ELFN1: variants seen among roughly 807,000 people sequenced by gnomAD.
ELFN1 encodes extracellular leucine rich repeat and fibronectin type III domain containing 1, also known as protein ELFN1.
ELFN1 carries 6 observed loss-of-function variants against 7.6 expected under a neutral mutation model. The observed-to-expected ratio is 0.79, with a 90% CI of 0.43 to 1.56. The LOEUF (loss-of-function observed/expected upper bound fraction) is 1.56. Among genes scored for constraint, ELFN1 ranks in the 40% most tolerant of loss-of-function variants. The pLI is 0.01. For missense variants in ELFN1, 1,169 were observed against 1,232.2 expected, an observed-to-expected ratio of 0.95 and a Z score of 0.77; for synonymous variants, 657 against 588.1, an observed-to-expected ratio of 1.12 and a Z score of -1.70.
intron 3 of ELFN1, among the ~76,000 whole-genome samples, chr7:1,732,328 G>C (rs1313754081): frequency 6.6e-6 from 1 of 152,158 alleles, no homozygotes; most frequent in Admixed American, 6.5e-5. Context: ...CAAAATGAGA[G>C]CTGAGAGACA....
chr7:1,746,212 G>A lies in ELFN1; in HGVS notation c.1616G>A (p.Cys539Tyr). The A allele has an allele frequency of 6.4e-7, 1 of 1,555,800 alleles. No homozygotes were observed. Among genetic ancestry groups the A allele is most frequent in the Non-Finnish European group, 8.7e-7 (1 of 1,151,170 alleles). Residue 539 changes from cysteine (C) to tyrosine (Y), a missense_variant, in exon 4 of 4, where the codon TGT (cysteine) becomes TAT (tyrosine). Transcript: ENST00000424383. ...RTGDPPERRD[C>Y]ELGRPGPDSQ... ...GGGGACCCTCCGGAACGCAGGGACT[G>A]TGAGCTGGGCCGGCCGGGCCCCGAC...
At chr7:1,723,877 A>C (rs117733760) in intron 3 of ELFN1, among the ~76,000 whole-genome samples, 1,543 of 152,342 alleles carry the variant, frequency 0.01, 9 homozygotes, top group Middle Eastern at 0.024. Context: ...CCCTGCCCTC[A>C]GCCAGACACC....
intron 3 of ELFN1, among the ~76,000 whole-genome samples, chr7:1,741,828 G>A (rs140247184): frequency 1.3e-5 from 2 of 152,308 alleles, no homozygotes; most frequent in African/African-American, 4.8e-5. Context: ...AGCCCCAGAC[G>A]CACCAGAGCC....
chr7:1,685,448 C>T (rs1562358853), intron 1 of ELFN1, among the ~76,000 whole-genome samples: 1 of 152,136 alleles, frequency 6.6e-6, no homozygotes. Flanking sequence ...ACCACATATG[C>T]TAGTGCACTT....
chr7:1,686,311 G>GTTTT (rs1202953401), intron 1 of ELFN1, among the ~76,000 whole-genome samples: 3 of 113,958 alleles, frequency 2.6e-5, no homozygotes, highest in Admixed American at 8.9e-5. Context: ...GTTTGTCCTT[G>GTTTT]TTTTTTTTTT....
intron 3 of ELFN1, among the ~76,000 whole-genome samples, chr7:1,726,223 C>G (rs374902427): frequency 6.6e-6 from 1 of 152,180 alleles, no homozygotes; most frequent in Non-Finnish European, 1.5e-5. Context: ...AGCTCTGTCC[C>G]GGCCACTATG....
At chr7:1,712,491 G>A (rs1253890648) in intron 3 of ELFN1, among the ~76,000 whole-genome samples, 1 of 151,584 alleles carries the variant, frequency 6.6e-6, no homozygotes, top group Non-Finnish European at 1.5e-5. Context: ...GAGTGCAATG[G>A]TGCAATCTCG....
At chr7:1,711,130 C>T (rs1358752929) in intron 3 of ELFN1, among the ~76,000 whole-genome samples, 4 of 152,242 alleles carry the variant, frequency 2.6e-5, no homozygotes. Context: ...TCTGGGATCC[C>T]TCCAAGCCCT....
intron 3 of ELFN1, among the ~76,000 whole-genome samples, chr7:1,741,865 T>G (rs751083865): frequency 6.7e-6 from 1 of 149,514 alleles, no homozygotes; most frequent in Non-Finnish European, 1.5e-5. Context: ...AGACAGGGGG[T>G]CCTCAGTGAC....
At chr7:1,668,655 AGGAGAGG>A (rs1419133318), upstream of ELFN1, among the ~76,000 whole-genome samples, 2 of 152,158 alleles carry the variant, frequency 1.3e-5, no homozygotes, top group Non-Finnish European at 2.9e-5. Flanking sequence ...ACAGGCAGGG[AGGAGAGG>A]GTGCCCCGCT....
At chr7:1,703,423 T>C (rs1038453925) in intron 2 of ELFN1, among the ~76,000 whole-genome samples, 7 of 152,236 alleles carry the variant, frequency 4.6e-5, no homozygotes, top group Non-Finnish European at 8.8e-5. Context: ...ATTTATTCTC[T>C]TCCTTCTGAG....
At chr7:1,731,058 C>A (rs757944997) in intron 3 of ELFN1, among the ~76,000 whole-genome samples, 3 of 152,174 alleles carry the variant, frequency 2.0e-5, no homozygotes, top group Non-Finnish European at 4.4e-5. Context: ...TCCCCACTTA[C>A]AACGGCACCA....
intron 3 of ELFN1, among the ~76,000 whole-genome samples, chr7:1,711,619 A>AGAGG (rs1779659586): frequency 7.2e-6 from 1 of 138,060 alleles, no homozygotes; most frequent in African/African-American, 3.1e-5. Context: ...AGAGAGAGAG[A>AGAGG]GAGAGAGAAT....
At chr7:1,741,399 G>C (rs993824888) in intron 3 of ELFN1, among the ~76,000 whole-genome samples, 1 of 152,228 alleles carries the variant, frequency 6.6e-6, no homozygotes, top group African/African-American at 2.4e-5. Flanking sequence ...TGGGGCAGGG[G>C]CCGAGCAGGA....
intron 3 of ELFN1, among the ~76,000 whole-genome samples, chr7:1,726,345 A>G (rs1266825779): frequency 6.6e-6 from 1 of 152,100 alleles, no homozygotes; most frequent in African/African-American, 2.4e-5. Context: ...GTTCTTCCTC[A>G]CCTTGGCCCT....
chr7:1,697,105 G>A (rs1183259785), intron 2 of ELFN1, among the ~76,000 whole-genome samples: 2 of 152,194 alleles, frequency 1.3e-5, no homozygotes, highest in Non-Finnish European at 2.9e-5. Flanking sequence ...TCTGGGCTTC[G>A]CGGCAGGGGT....
chr7:1,683,584 C>T (rs1463907819), intron 1 of ELFN1, among the ~76,000 whole-genome samples: 1 of 152,196 alleles, frequency 6.6e-6, no homozygotes, highest in Non-Finnish European at 1.5e-5. Context: ...CAAGTCTTCT[C>T]TGTCCTTGCT....
intron 3 of ELFN1, among the ~76,000 whole-genome samples, chr7:1,714,249 G>A (rs925649504): frequency 2.6e-5 from 4 of 152,022 alleles, no homozygotes; most frequent in Admixed American, 6.6e-5. Context: ...ACCCTCTCAC[G>A]ACAGAGGCTC....
intron 2 of ELFN1, among the ~76,000 whole-genome samples, chr7:1,704,887 A>G (rs1779500149): frequency 1.3e-5 from 2 of 152,094 alleles, no homozygotes; most frequent in South Asian, 4.1e-4. Flanking sequence ...AGGTCAGCTT[A>G]GAGCCTCATG....
Sources: gnomAD v4.1 joint callset for allele counts (sites outside exome capture counted in the v4.1 genomes callset) on GRCh38, gnomAD v4.1.1 for gene constraint, MANE v1.5 for transcripts, NCBI Gene and HGNC (gene_info 2026-07-23, HGNC 2026-07-21) for gene names.